Variants in IGFBP7 observed in about 807,000 individuals in gnomAD.
The protein encoded by IGFBP7 is insulin-like growth factor-binding protein 7.
In IGFBP7, 31 loss-of-function variants were observed where a neutral mutation model predicts 29.4. The observed-to-expected ratio is 1.05, with a 90% confidence interval of 0.79 to 1.42. IGFBP7 has a LOEUF of 1.42. Among genes scored for constraint, IGFBP7 ranks in the 40% most tolerant of loss-of-function variants. The pLI is 0.00. For missense variants in IGFBP7, 393 were observed against 395.5 expected, an observed-to-expected ratio of 0.99 and a Z score of 0.05; for synonymous variants, 172 against 174.9, an observed-to-expected ratio of 0.98 and a Z score of 0.13.
intron 1 of IGFBP7, among the ~76,000 whole-genome samples, chr4:57,085,311 A>G (rs909943219): frequency 6.6e-6 from 1 of 152,086 alleles, no homozygotes; most frequent in Non-Finnish European, 1.5e-5. Context: ...TGTTATCCGT[A>G]TGCTAGATCT....
chr4:57,033,313 T>C lies in IGFBP7; in HGVS notation c.586-2A>G. 6.2e-7 allele frequency: 1 copy of C among 1,601,302 alleles called. No individual in the cohort carries two copies. The stretch of plus-strand genomic sequence containing the variant: ...AACTCCATAGTGACCCCTTTTTACC[T>C]GCAAAAACAAAAGGAGAGTAATACT... On this transcript the variant is annotated splice_acceptor_variant, in intron 2 of 4. Transcript: ENST00000295666. LOFTEE classifies it high-confidence loss of function.
At chr4:57,068,418 C>T (rs527395872) in intron 1 of IGFBP7, among the ~76,000 whole-genome samples, 12 of 152,106 alleles carry the variant, frequency 7.9e-5, no homozygotes, top group African/African-American at 2.9e-4. Context: ...ACACAACACC[C>T]AAGGGAGGCG....
intron 1 of IGFBP7, chr4:57,073,034 T>G: frequency 8.0e-7 from 1 of 1,246,840 alleles, no homozygotes; most frequent in Non-Finnish European, 1.2e-6. Flanking sequence ...TGATAGCTCG[T>G]TGAACAGGCA....
intron 1 of IGFBP7, among the ~76,000 whole-genome samples, chr4:57,082,271 TC>T (rs1255777639): frequency 2.0e-5 from 3 of 152,192 alleles, no homozygotes; most frequent in African/African-American, 7.2e-5. Flanking sequence ...AGAAAGACTT[TC>T]CTGAGAGAAG....
intron 1 of IGFBP7, among the ~76,000 whole-genome samples, chr4:57,103,751 T>A (rs1451204405): frequency 1.4e-5 from 2 of 143,452 alleles, no homozygotes; most frequent in East Asian, 4.2e-4. Flanking sequence ...TTTGACCTCC[T>A]GGGCTCAAGT....
intron 1 of IGFBP7, among the ~76,000 whole-genome samples, chr4:57,084,957 AT>A (rs1008338622): frequency 1.3e-5 from 2 of 151,384 alleles, no homozygotes; most frequent in African/African-American, 4.8e-5. Flanking sequence ...TGCCTGGATA[AT>A]TTTTTTTAAA....
intron 1 of IGFBP7, among the ~76,000 whole-genome samples, chr4:57,098,374 A>G (rs1303814766): frequency 1.3e-5 from 2 of 152,226 alleles, no homozygotes; most frequent in Non-Finnish European, 2.9e-5. Flanking sequence ...ATGGGTGAGA[A>G]GAAAGAGGCC....
At chr4:57,075,944 T>C (rs1377282190) in intron 1 of IGFBP7, among the ~76,000 whole-genome samples, 3 of 152,184 alleles carry the variant, frequency 2.0e-5, no homozygotes, top group African/African-American at 7.2e-5. Flanking sequence ...TTCAGAACTT[T>C]CGAGAATTCA....
At chr4:57,059,609 G>T (rs1230061856) in intron 1 of IGFBP7, among the ~76,000 whole-genome samples, 1 of 152,096 alleles carries the variant, frequency 6.6e-6, no homozygotes, top group Non-Finnish European at 1.5e-5. Flanking sequence ...TGGAGGGTGG[G>T]AGAAGGGAGA....
chr4:57,046,350 C>A (rs901318697), intron 1 of IGFBP7, among the ~76,000 whole-genome samples: 1 of 152,130 alleles, frequency 6.6e-6, no homozygotes, highest in Non-Finnish European at 1.5e-5. Context: ...CAGGAGAGCA[C>A]TGTACTCAAT....
chr4:57,099,734 G>C (rs191202188), intron 1 of IGFBP7, among the ~76,000 whole-genome samples: 9 of 152,214 alleles, frequency 5.9e-5, no homozygotes, highest in Non-Finnish European at 1.5e-5. Context: ...GGGCTCTAAG[G>C]TTTTCCTATT....
In IGFBP7 at chr4:57,033,192, C is replaced by A; in HGVS notation, c.702+3G>T. ...CTTGCCAGCTCTTGGTACTGGTACT[C>A]ACCAGCACCCAGCCAGTTACTTCAT... On this transcript the variant is annotated splice_donor_region_variant and intron_variant, in intron 3 of 4. Transcript: ENST00000295666. 1 of 1,583,596 alleles carries A rather than the reference C, an allele frequency of 6.3e-7. No homozygotes were observed. The highest frequency in any genetic ancestry group is 8.7e-7 in the Non-Finnish European group (1 of 1,152,070).
intron 1 of IGFBP7, among the ~76,000 whole-genome samples, chr4:57,097,771 G>C (rs1725795932): frequency 6.6e-6 from 1 of 152,156 alleles, no homozygotes; most frequent in Non-Finnish European, 1.5e-5. Context: ...GCAGAGTGGG[G>C]ATTTGACCCA....
At chr4:57,102,944 G>A (rs1470541532) in intron 1 of IGFBP7, among the ~76,000 whole-genome samples, 1 of 152,168 alleles carries the variant, frequency 6.6e-6, no homozygotes, top group Non-Finnish European at 1.5e-5. Context: ...GGACTTTAGG[G>A]GGAAGAGACT....
chr4:57,030,808 T>C lies in IGFBP7; in HGVS notation c.*509A>G, dbSNP rs1020638257. The stretch of plus-strand genomic sequence containing the variant: ...CAGCTCCACTCATTTATTCATTATC[T>C]ACAGTACCAGATCTTTGTCTTTTTC... On this transcript the variant is annotated 3_prime_UTR_variant, in exon 5 of 5. Transcript: ENST00000295666. 5 of 748,056 alleles carry C rather than the reference T, an allele frequency of 6.7e-6. No individual in the cohort carries two copies. The highest frequency in any genetic ancestry group is 2.0e-5 in the Admixed American group (1 of 50,672). The allele number at this position is 748,056 out of a possible 1,614,324, so 46.3% of individuals were successfully genotyped here.
intron 1 of IGFBP7, among the ~76,000 whole-genome samples, chr4:57,063,630 T>A (rs1724848585): frequency 6.6e-6 from 1 of 152,230 alleles, no homozygotes; most frequent in African/African-American, 2.4e-5. Flanking sequence ...ACTACTTTTA[T>A]TCCACAGTTT....
At chr4:57,089,687 C>G (rs1272469974) in intron 1 of IGFBP7, among the ~76,000 whole-genome samples, 1 of 152,156 alleles carries the variant, frequency 6.6e-6, no homozygotes, top group East Asian at 1.9e-4. Flanking sequence ...GACAATGTAG[C>G]CGGCTGACTC....
Position 57,110,181 on chromosome 4 carries a change from G to T in IGFBP7, c.171C>A (p.Cys57Ter). The T allele has an allele frequency of 1.4e-6, 2 of 1,398,106 alleles. No individual in the cohort carries two copies. Among genetic ancestry groups the T allele is most frequent in the Non-Finnish European group, 1.8e-6 (2 of 1,085,766 alleles). 86.6% of individuals were successfully genotyped at this position (1,398,106 alleles called of 1,614,324 possible). A position where few individuals can be genotyped will look rare whatever the true frequency, so the allele number is the denominator to read the frequency against. The change falls in exon 1 of 5, where the codon TGC (cysteine) becomes TGA (stop). Residue 57 changes from cysteine to a stop codon, truncating the protein, a stop_gained. Transcript: ENST00000295666. LOFTEE classifies it high-confidence loss of function. ...GCLLGETRDA[C>*]GCCPMCARGE... ...CGCGGGCGCACATAGGGCAGCAGCC[G>T]CACGCGTCGCGGGTCTCGCCCAGCA...
chr4:57,040,749 A>T, intron 2 of IGFBP7, 75 bp downstream of exon 2: 1 of 1,074,914 alleles, frequency 9.3e-7, no homozygotes, highest in Non-Finnish European at 1.4e-6. Flanking sequence ...CTGAGGATTT[A>T]ACGTTTTACC....
Sources: allele counts gnomAD v4.1 joint callset (sites outside exome capture counted in the v4.1 genomes callset), GRCh38; gene constraint gnomAD v4.1.1; transcripts MANE v1.5; gene names NCBI Gene and HGNC (gene_info 2026-07-23, HGNC 2026-07-21).